THEMIS: variants seen among roughly 807,000 people sequenced by gnomAD.
THEMIS encodes thymocyte selection associated, also known as protein THEMIS.
A neutral mutation model predicts 52.6 loss-of-function variants in THEMIS; 37 were observed. That is an observed-to-expected ratio of 0.70 (90% CI 0.54 to 0.93). The LOEUF (loss-of-function observed/expected upper bound fraction) is 0.93. THEMIS is among the 40% of genes least tolerant of loss of function. The pLI is 0.00. For missense variants in THEMIS, 808 were observed against 763.1 expected (o/e 1.06, Z -0.69); for synonymous variants, 292 against 272.7 (o/e 1.07, Z -0.70).
intron 1 of THEMIS, among the ~76,000 whole-genome samples, chr6:127,906,999 G>C (rs1781287722): frequency 6.6e-6 from 1 of 151,532 alleles, no homozygotes; most frequent in African/African-American, 2.4e-5. Context: ...AGCAGTAGAG[G>C]CTTAAAACTA....
rs537247802 is a variant in THEMIS at position 127,766,698 on chromosome 6, A to G, written c.1758+46185T>C. Among the ~76,000 whole-genome samples, 4 of 152,330 alleles carry G rather than the reference A, an allele frequency of 2.6e-5. No homozygotes were observed. In the South Asian group the frequency reaches 8.3e-4, roughly 32 times the overall value. ...GTACTGAATACTCTAGGCAGTGGTA[A>G]CACAATGGTAAGTATTTTTGTACTT... is the stretch of plus-strand genomic sequence containing the variant. On this transcript the variant is annotated intron_variant, in intron 4 of 5. Transcript: ENST00000368248.
chr6:127,827,636 G>T (rs180950348), intron 3 of THEMIS, among the ~76,000 whole-genome samples: 1 of 152,252 alleles, frequency 6.6e-6, no homozygotes. Flanking sequence ...CCATCCAGTA[G>T]ATCAAGCCAG....
chr6:127,911,252 CT>C (rs1401341312), intron 1 of THEMIS, among the ~76,000 whole-genome samples: 3 of 151,138 alleles, frequency 2.0e-5, no homozygotes, highest in Non-Finnish European at 4.4e-5. Flanking sequence ...GTAGCCTACA[CT>C]TAAAGGGGAG....
At chr6:127,793,850 C>T (rs1777239950) in intron 4 of THEMIS, among the ~76,000 whole-genome samples, 2 of 152,144 alleles carry the variant, frequency 1.3e-5, no homozygotes, top group Admixed American at 6.5e-5. Context: ...AAGATTATCC[C>T]AGACCACAGA....
chr6:127,745,920 A>C (rs1775373055), intron 4 of THEMIS, among the ~76,000 whole-genome samples: 1 of 151,894 alleles, frequency 6.6e-6, no homozygotes, highest in Non-Finnish European at 1.5e-5. Context: ...CTTAAAGGGA[A>C]AAGTTTTTAA....
intron 4 of THEMIS, among the ~76,000 whole-genome samples, chr6:127,778,760 A>G (rs1776645878): frequency 6.6e-6 from 1 of 151,264 alleles, no homozygotes; most frequent in South Asian, 2.1e-4. Context: ...GTTATATATG[A>G]CAGTACTTCA....
At chr6:127,724,209 T>C (rs1774460844) in intron 4 of THEMIS, among the ~76,000 whole-genome samples, 1 of 152,128 alleles carries the variant, frequency 6.6e-6, no homozygotes, top group East Asian at 1.9e-4. Context: ...TCAAATCCTG[T>C]GCTTTTAAAT....
chr6:127,814,707 G>A (rs1019470594), intron 3 of THEMIS, among the ~76,000 whole-genome samples: 1 of 152,080 alleles, frequency 6.6e-6, no homozygotes, highest in African/African-American at 2.4e-5. Context: ...ATGCGTCACT[G>A]GGGTTAATGG....
At chr6:127,892,831 C>T (rs532087527) in intron 1 of THEMIS, among the ~76,000 whole-genome samples, 1 of 152,212 alleles carries the variant, frequency 6.6e-6, no homozygotes, top group South Asian at 2.1e-4. Context: ...TTTTGTGAAT[C>T]TTTTAATACC....
chr6:127,772,934 G>A (rs1562247857), intron 4 of THEMIS, among the ~76,000 whole-genome samples: 1 of 152,142 alleles, frequency 6.6e-6, no homozygotes, highest in Non-Finnish European at 1.5e-5. Flanking sequence ...GGCTCTGCCA[G>A]TCATGACCTA....
intron 1 of THEMIS, among the ~76,000 whole-genome samples, chr6:127,873,142 T>G (rs929103844): frequency 1.3e-5 from 2 of 152,178 alleles, no homozygotes; most frequent in African/African-American, 4.8e-5. Context: ...AAATTAATGA[T>G]CTTAACAAAT....
intron 2 of THEMIS, among the ~76,000 whole-genome samples, chr6:127,832,283 G>A (rs1004560503): frequency 1.3e-5 from 2 of 152,126 alleles, no homozygotes; most frequent in Non-Finnish European, 2.9e-5. Flanking sequence ...TGTCTCTATT[G>A]CAAGAAAAAT....
chr6:127,861,809 AAG>A (rs1779810980), intron 1 of THEMIS, among the ~76,000 whole-genome samples: 1 of 94,890 alleles, frequency 1.1e-5, no homozygotes, highest in African/African-American at 3.4e-5. Context: ...AAAAAAAGAA[AAG>A]AAAGAAAAGA....
chr6:127,798,824 A>G (rs1777421916), intron 4 of THEMIS, among the ~76,000 whole-genome samples: 1 of 151,784 alleles, frequency 6.6e-6, no homozygotes, highest in South Asian at 2.1e-4. Flanking sequence ...CCCTGTCTCT[A>G]CTAAAAAAAT....
At chr6:127,861,755 G>T (rs1431721328) in intron 1 of THEMIS, among the ~76,000 whole-genome samples, 1 of 133,372 alleles carries the variant, frequency 7.5e-6, no homozygotes, top group Non-Finnish European at 1.5e-5. Flanking sequence ...CTGCACTCCA[G>T]CCTGGGTGAC....
chr6:127,887,196 A>G (rs1176240516), intron 1 of THEMIS, among the ~76,000 whole-genome samples: 1 of 152,142 alleles, frequency 6.6e-6, no homozygotes, highest in Non-Finnish European at 1.5e-5. Flanking sequence ...AAGGAAGACA[A>G]CACAATTAAA....
At chr6:127,772,035 A>G (rs1490345468) in intron 4 of THEMIS, among the ~76,000 whole-genome samples, 2 of 152,070 alleles carry the variant, frequency 1.3e-5, no homozygotes, top group Admixed American at 1.3e-4. Context: ...CCTTTATTTC[A>G]GTATATTTAA....
chr6:127,754,036 C>A (rs1204386536), intron 4 of THEMIS, among the ~76,000 whole-genome samples: 2 of 152,094 alleles, frequency 1.3e-5, no homozygotes, highest in Non-Finnish European at 2.9e-5. Context: ...ATCCTCAACT[C>A]ATTGAGCTGT....
chr6:127,834,736 G>A (rs371355124), intron 2 of THEMIS, among the ~76,000 whole-genome samples: 3 of 151,900 alleles, frequency 2.0e-5, no homozygotes, highest in South Asian at 2.1e-4. Flanking sequence ...CCATTGCATG[G>A]GGAAAACAAA....
Sources: allele counts gnomAD v4.1 joint callset (sites outside exome capture counted in the v4.1 genomes callset), GRCh38; gene constraint gnomAD v4.1.1; transcripts MANE v1.5; gene names NCBI Gene and HGNC (gene_info 2026-07-23, HGNC 2026-07-21).